BLTP3A: variants seen among roughly 807,000 people sequenced by gnomAD.
BLTP3A encodes bridge-like lipid transfer protein family member 3A.
At chr6:34,823,161 G>A in the BLTP3A span, 1 of 1,029,760 alleles carries the variant, frequency 9.7e-7, no homozygotes, top group African/African-American at 1.6e-5. Flanking sequence ...ACTTGACTAG[G>A]CTCTGGAGCA....
chr6:34,830,440 A>T, the BLTP3A span, among the ~76,000 whole-genome samples: 2 of 152,196 alleles, frequency 1.3e-5, no homozygotes, highest in East Asian at 3.9e-4. Context: ...AAATAAAAAA[A>T]TTAGCTGGGC....
the BLTP3A span, chr6:34,867,554 A>T: frequency 6.2e-7 from 1 of 1,614,002 alleles, no homozygotes; most frequent in Non-Finnish European, 8.5e-7. Flanking sequence ...CAAGCAGAGG[A>T]ACTGACCCTC....
the BLTP3A span, chr6:34,857,593 C>T: frequency 6.8e-7 from 1 of 1,472,362 alleles, no homozygotes; most frequent in Non-Finnish European, 9.2e-7. Flanking sequence ...TAATTTAGCA[C>T]ACTTTTGTTA....
the BLTP3A span, among the ~76,000 whole-genome samples, chr6:34,824,512 C>G: frequency 6.8e-6 from 1 of 146,020 alleles, no homozygotes; most frequent in African/African-American, 2.5e-5. Flanking sequence ...GAGCCGAGAT[C>G]GCGCCATTGC....
At chr6:34,817,887 T>C in the BLTP3A span, among the ~76,000 whole-genome samples, 11 of 149,360 alleles carry the variant, frequency 7.4e-5, no homozygotes, top group South Asian at 2.1e-4. Flanking sequence ...GGAGTCTCGC[T>C]CTGTCGCCCA....
At chr6:34,870,651 A>T in the BLTP3A span, among the ~76,000 whole-genome samples, 9 of 152,332 alleles carry the variant, frequency 5.9e-5, no homozygotes, top group East Asian at 1.5e-3. Flanking sequence ...TGGACTTGGC[A>T]ATCAGACTGC....
the BLTP3A span, among the ~76,000 whole-genome samples, chr6:34,833,541 A>C: frequency 7.2e-5 from 11 of 152,036 alleles, no homozygotes; most frequent in African/African-American, 2.7e-4. Context: ...TTTGTGGTTT[A>C]TAAAAAGATT....
At chr6:34,834,544 G>T in the BLTP3A span, 4 of 1,371,934 alleles carry the variant, frequency 2.9e-6, no homozygotes, top group South Asian at 2.8e-5. Context: ...TTTCTGTCCA[G>T]TGTTACTGCT....
the BLTP3A span, among the ~76,000 whole-genome samples, chr6:34,827,081 G>C: frequency 2.0e-5 from 3 of 152,190 alleles, no homozygotes; most frequent in Non-Finnish European, 4.4e-5. Flanking sequence ...GGGAGGCCAA[G>C]GCGGGTGGAT....
At chr6:34,809,804 C>T in the BLTP3A span, among the ~76,000 whole-genome samples, 4 of 152,098 alleles carry the variant, frequency 2.6e-5, no homozygotes, top group African/African-American at 7.2e-5. Flanking sequence ...GATCCACCTG[C>T]CTTGGCCTCC....
the BLTP3A span, among the ~76,000 whole-genome samples, chr6:34,805,878 A>G: frequency 2.6e-5 from 4 of 151,780 alleles, no homozygotes; most frequent in Non-Finnish European, 5.9e-5. Context: ...TTTCCTGGAT[A>G]TTAATTTTAT....
chr6:34,832,145 G>A, the BLTP3A span, among the ~76,000 whole-genome samples: 11 of 144,246 alleles, frequency 7.6e-5, no homozygotes, highest in Admixed American at 1.4e-4. Context: ...TTTAAGACAA[G>A]GTCTCACTCT....
At chr6:34,829,221 C>T in the BLTP3A span, among the ~76,000 whole-genome samples, 1 of 152,050 alleles carries the variant, frequency 6.6e-6, no homozygotes, top group Non-Finnish European at 1.5e-5. Flanking sequence ...ATTTTCATCA[C>T]CCAAGAGAAA....
At chr6:34,794,377 T>C in the BLTP3A span, among the ~76,000 whole-genome samples, 4 of 152,196 alleles carry the variant, frequency 2.6e-5, no homozygotes, top group Non-Finnish European at 5.9e-5. Flanking sequence ...AATTAATATA[T>C]GTAAGGACTT....
chr6:34,827,084 G>A, the BLTP3A span, among the ~76,000 whole-genome samples: 3 of 152,142 alleles, frequency 2.0e-5, no homozygotes, highest in South Asian at 2.1e-4. Flanking sequence ...AGGCCAAGGC[G>A]GGTGGATCAC....
chr6:34,804,782 T>G, the BLTP3A span, among the ~76,000 whole-genome samples: 1 of 152,138 alleles, frequency 6.6e-6, no homozygotes, highest in Non-Finnish European at 1.5e-5. Flanking sequence ...CCTCTACACC[T>G]GTGTTGACTT....
the BLTP3A span, among the ~76,000 whole-genome samples, chr6:34,800,334 G>A: frequency 6.6e-6 from 1 of 152,204 alleles, no homozygotes; most frequent in East Asian, 1.9e-4. Flanking sequence ...CCACTGTAAT[G>A]TGTCCTCCAA....
chr6:34,837,831 T>C, the BLTP3A span, among the ~76,000 whole-genome samples: 1 of 152,244 alleles, frequency 6.6e-6, no homozygotes, highest in Non-Finnish European at 1.5e-5. Context: ...AAAACAAGTA[T>C]TATTTTGTTT....
chr6:34,818,509 G>A, the BLTP3A span, among the ~76,000 whole-genome samples: 5 of 151,848 alleles, frequency 3.3e-5, no homozygotes, highest in Admixed American at 1.3e-4. Flanking sequence ...TGGAGGAATA[G>A]CATTCCCAAC....
Sources: gnomAD v4.1 joint callset for allele counts (sites outside exome capture counted in the v4.1 genomes callset) on GRCh38, gnomAD v4.1.1 for gene constraint, MANE v1.5 for transcripts, NCBI Gene and HGNC (gene_info 2026-07-23, HGNC 2026-07-21) for gene names.